The following NMNAT3 variants were observed in gnomAD, a reference collection of about 807,000 sequenced individuals.
The protein encoded by NMNAT3 is nicotinamide/nicotinic acid mononucleotide adenylyltransferase 3.
In NMNAT3, 21 loss-of-function variants were observed where a neutral mutation model predicts 24.8. The observed-to-expected ratio is 0.85, with a 90% CI of 0.60 to 1.22. The LOEUF is 1.22. NMNAT3 is among the 50% of genes most tolerant of loss of function. The pLI is 0.00. For missense variants in NMNAT3, 387 were observed against 436.6 expected (o/e 0.89, Z 1.01); for synonymous variants, 136 against 155.2 (o/e 0.88, Z 0.92).
At chr3:139,620,889 A>T (rs1258706921) in intron 3 of NMNAT3, among the ~76,000 whole-genome samples, 1 of 152,088 alleles carries the variant, frequency 6.6e-6, no homozygotes, top group Non-Finnish European at 1.5e-5. Context: ...GAACTCTTAG[A>T]CTCATGTAAT....
rs549949932 is a variant in NMNAT3 at position 139,616,395 on chromosome 3, G to GCT, written c.109+11219_109+11220dup. On this transcript the variant is annotated intron_variant, in intron 3 of 6. Coordinates refer to ENST00000643695, the MANE Select transcript of NMNAT3 (RefSeq NM_001320510.2). ...CTTTGTAAGGCTGTCAAAGCCTGGG[G>GCT]CTCCTCAGGGCTCGTCTCTCCTTAC... Among the ~76,000 whole-genome samples the GCT allele has an allele frequency of 2.0e-4, 30 of 152,138 alleles. No homozygotes were observed. In the South Asian group the frequency reaches 6.2e-3, roughly 32 times the overall value.
At chr3:139,656,846 T>C (rs557211085) in intron 1 of NMNAT3, among the ~76,000 whole-genome samples, 67 of 150,964 alleles carry the variant, frequency 4.4e-4, no homozygotes, top group African/African-American at 1.6e-3. Flanking sequence ...GAATTCCAAA[T>C]CTTATTATTT....
intron 1 of NMNAT3, among the ~76,000 whole-genome samples, chr3:139,664,349 T>A (rs559002314): frequency 6.6e-6 from 1 of 152,326 alleles, no homozygotes; most frequent in African/African-American, 2.4e-5. Flanking sequence ...CGATTCCTCA[T>A]GATTCTGAAA....
intron 3 of NMNAT3, 134 bp downstream of exon 4, chr3:139,627,482 A>G: frequency 1.7e-6 from 1 of 571,738 alleles, no homozygotes; most frequent in Non-Finnish European, 3.1e-6. Flanking sequence ...TTTGAATATG[A>G]TGAAAAAAAT....
intron 3 of NMNAT3, among the ~76,000 whole-genome samples, chr3:139,617,064 A>G (rs2055540657): frequency 6.6e-6 from 1 of 152,168 alleles, no homozygotes; most frequent in African/African-American, 2.4e-5. Flanking sequence ...CTTTAACTTA[A>G]GAAGTACCTC....
At chr3:139,598,425 G>T (rs1376462533) in intron 3 of NMNAT3, among the ~76,000 whole-genome samples, 1 of 152,146 alleles carries the variant, frequency 6.6e-6, no homozygotes, top group Non-Finnish European at 1.5e-5. Context: ...GAACCCAGCT[G>T]CCATGAATGG....
At chr3:139,564,885 T>TGTAA (rs1225212147) in intron 6 of NMNAT3, among the ~76,000 whole-genome samples, 1 of 152,230 alleles carries the variant, frequency 6.6e-6, no homozygotes, top group Non-Finnish European at 1.5e-5. Context: ...ATGGAAAATA[T>TGTAA]GTAAGTATTT....
Position 139,561,247 on chromosome 3 carries a change from A to C in NMNAT3, c.804T>G (p.Gly268=). ...GTAGGATGGGAGATTCTGCGATGTA[A>C]CCTTTTGGGTCGTGACCTACTCGGC... Residue 268 remains glycine (G), a synonymous_variant, in exon 7 of 7, where the codon GGT becomes GGG. Coordinates refer to ENST00000643695, the MANE Select transcript of NMNAT3 (RefSeq NM_001320510.2). 6.2e-7 allele frequency: 1 copy of C among 1,613,878 alleles called. No individual in the cohort carries two copies. Among genetic ancestry groups the C allele is most frequent in the Non-Finnish European group, 8.5e-7 (1 of 1,179,958 alleles).
chr3:139,642,333 G>A (rs959657673), intron 1 of NMNAT3, among the ~76,000 whole-genome samples: 2 of 152,192 alleles, frequency 1.3e-5, no homozygotes, highest in African/African-American at 4.8e-5. Context: ...TTCTCTAATG[G>A]TGTGTACACT....
Position 139,573,592 on chromosome 3 carries a change from AC to A in NMNAT3, c.658+5del. 6.4e-7 allele frequency: 1 copy of A among 1,556,412 alleles called. No homozygotes were observed. Among genetic ancestry groups the A allele is most frequent in the South Asian group, 1.2e-5 (1 of 83,814 alleles). ...TTCTCCTACAGACAAGAGGATCAGC[AC>A]CCACCTGCAGGGGTCGAGAAGAGTG... On this transcript the variant is annotated splice_donor_5th_base_variant and intron_variant, in intron 6 of 6. Transcript: ENST00000643695.
At chr3:139,588,023 C>T (rs1397002606) in intron 3 of NMNAT3, among the ~76,000 whole-genome samples, 1 of 152,132 alleles carries the variant, frequency 6.6e-6, no homozygotes, top group Admixed American at 6.5e-5. Flanking sequence ...TTTTTTATAG[C>T]ACCCAGGAGA....
chr3:139,565,192 T>C lies in NMNAT3; in HGVS notation c.659-3800A>G, dbSNP rs565121748. 1.7e-3 allele frequency among the ~76,000 whole-genome samples: 266 copies of C among 152,312 alleles called. 1 individual carries two copies. The highest frequency in any genetic ancestry group is 4.2e-3 in the African/African-American group (173 of 41,588). On this transcript the variant is annotated intron_variant, in intron 6 of 6. Coordinates refer to ENST00000643695, the MANE Select transcript of NMNAT3 (RefSeq NM_001320510.2). ...TTGATATTGCTTTTACTTCCTGCCA[T>C]TGTAAAAACTGTTGTGATAAACATC... is the stretch of plus-strand genomic sequence containing the variant.
intron 4 of NMNAT3, among the ~76,000 whole-genome samples, chr3:139,580,849 A>T (rs1342865337): frequency 1.3e-5 from 2 of 152,210 alleles, no homozygotes; most frequent in African/African-American, 4.8e-5. Context: ...TAATCAAGCA[A>T]TGAAAGTTAT....
chr3:139,676,079 G>T (rs1198250405), intron 1 of NMNAT3, among the ~76,000 whole-genome samples: 1 of 152,110 alleles, frequency 6.6e-6, no homozygotes, highest in African/African-American at 2.4e-5. Flanking sequence ...GCTGCACAAT[G>T]GCTGCTCTCT....
At chr3:139,594,177 C>T (rs1268613948) in intron 3 of NMNAT3, among the ~76,000 whole-genome samples, 2 of 152,222 alleles carry the variant, frequency 1.3e-5, no homozygotes, top group African/African-American at 2.4e-5. Context: ...GAGAATACTA[C>T]AAACAACTCT....
chr3:139,615,417 T>TTCTATCTATCTATCTATCTA (rs145198692), intron 3 of NMNAT3, among the ~76,000 whole-genome samples: 1,784 of 140,184 alleles, frequency 0.013, 31 homozygotes, highest in Admixed American at 0.02. Flanking sequence ...CACACACATT[T>TTCTATCTATCTATCTATCTA]TCTATCTATC....
intron 3 of NMNAT3, among the ~76,000 whole-genome samples, chr3:139,619,919 A>G (rs1391945023): frequency 6.6e-6 from 1 of 152,224 alleles, no homozygotes; most frequent in Non-Finnish European, 1.5e-5. Flanking sequence ...CACAGCAGCA[A>G]TAACATTATT....
intron 3 of NMNAT3, among the ~76,000 whole-genome samples, chr3:139,600,153 A>G (rs1176779124): frequency 6.6e-6 from 1 of 152,210 alleles, no homozygotes; most frequent in Non-Finnish European, 1.5e-5. Flanking sequence ...AGAATCTTTC[A>G]GTGCCTGAGC....
At chr3:139,654,620 GACTA>G (rs562177413) in intron 1 of NMNAT3, among the ~76,000 whole-genome samples, 55 of 152,264 alleles carry the variant, frequency 3.6e-4, no homozygotes, top group African/African-American at 1.3e-3. Context: ...AAATGGGCAG[GACTA>G]ACTCATGATC....
Sources: gnomAD v4.1 joint callset for allele counts (sites outside exome capture counted in the v4.1 genomes callset) on GRCh38, gnomAD v4.1.1 for gene constraint, MANE v1.5 for transcripts, NCBI Gene and HGNC (gene_info 2026-07-23, HGNC 2026-07-21) for gene names.